VPS16: variants seen among roughly 807,000 people sequenced by gnomAD.
VPS16 encodes VPS16 core subunit of CORVET and HOPS complexes.
In VPS16, 82 loss-of-function variants were observed where a neutral mutation model predicts 116.0. The ratio of observed to expected loss-of-function variants is 0.71; its 90% CI spans 0.59 to 0.85. The LOEUF (loss-of-function observed/expected upper bound fraction) is 0.85, where lower values mean the gene tolerates loss of function less well. Among genes scored for constraint, VPS16 ranks in the 40% least tolerant of loss-of-function variants. The pLI is 0.00. For missense variants in VPS16, 928 were observed against 1,090.6 expected (o/e 0.85, Z 2.10); for synonymous variants, 406 against 420.7 (o/e 0.96, Z 0.43).
chr20:2,843,566 G>A (rs566139637), intron 1 of VPS16, among the ~76,000 whole-genome samples: 1 of 152,172 alleles, frequency 6.6e-6, no homozygotes, highest in Non-Finnish European at 1.5e-5. Flanking sequence ...GCTGACCAAG[G>A]TAGCCATGTC....
At position 2,864,016 on chromosome 20, in the gene VPS16, C is replaced by T; in HGVS notation, c.1544C>T (p.Pro515Leu). ...RAINQKLGDT[P>L]GVSYSDIAAR... Reference sequence around the variant, plus strand: ...ATTAACCAGAAGCTGGGGGACACGCCTGGTGTCTCTTACTCCGACATTGCT... The same window carrying T: ...ATTAACCAGAAGCTGGGGGACACGCTTGGTGTCTCTTACTCCGACATTGCT... The change falls in exon 16 of 24, where the codon CCT becomes CTT. Residue 515 changes from proline (P) to leucine (L), a missense_variant. Pro to Leu is a moderately conservative substitution (Grantham distance 98). Transcript: ENST00000380445. The surrounding 1 kb of genome is among the most constrained non-coding windows in gnomAD (Gnocchi z 5.2). The T allele has an allele frequency of 6.2e-7, 1 of 1,614,118 alleles. No homozygotes were observed.
At position 2,864,734 on chromosome 20, in the gene VPS16, C is replaced by A; in HGVS notation, c.1926+80C>A. ...GGTCCGGTTCCTTCAGGAATCTAGGCCTTCGTGTTGGGTGCACACTCCATC... is the reference window on the plus strand; with the variant it reads ...GGTCCGGTTCCTTCAGGAATCTAGGACTTCGTGTTGGGTGCACACTCCATC... On this transcript the variant is annotated intron_variant, in intron 19 of 23. Transcript: ENST00000380445. The surrounding 1 kb of genome is among the most constrained non-coding windows in gnomAD (Gnocchi z 5.2). The A allele has an allele frequency of 2.7e-6, 4 of 1,459,508 alleles. No individual in the cohort carries two copies. Among genetic ancestry groups the A allele is most frequent in the Non-Finnish European group, 2.9e-6 (3 of 1,052,330 alleles). 90.4% of individuals were successfully genotyped at this position (1,459,508 alleles called of 1,614,324 possible).
At chr20:2,842,690 ATC>A (rs1395342551) in intron 1 of VPS16, among the ~76,000 whole-genome samples, 1 of 139,924 alleles carries the variant, frequency 7.1e-6, no homozygotes, top group East Asian at 2.1e-4. Flanking sequence ...ATATAGATAC[ATC>A]TAGATGTATC....
Position 2,859,716 on chromosome 20 carries a change from C to T in VPS16, c.54-3C>T, listed in dbSNP as rs370349904. ...TAATTTCTGCTCATCTCTGTGTGGG[C>T]AGGAAATATGAGCTGTACAGCATGG... is the stretch of plus-strand genomic sequence containing the variant. On this transcript the variant is annotated splice_region_variant and splice_polypyrimidine_tract_variant and intron_variant, in intron 1 of 23. Transcript: ENST00000380445. The T allele has an allele frequency of 6.2e-7, 1 of 1,613,492 alleles. No homozygotes were observed. Among genetic ancestry groups the T allele is most frequent in the Non-Finnish European group, 8.5e-7 (1 of 1,179,726 alleles).
chr20:2,854,874 G>A (rs146546760), intron 1 of VPS16, among the ~76,000 whole-genome samples: 1 of 151,120 alleles, frequency 6.6e-6, no homozygotes, highest in East Asian at 1.9e-4. Context: ...TGGATGTTGT[G>A]TTAGAAGGCA....
In VPS16 at chr20:2,863,962, A is replaced by G; in HGVS notation, c.1490A>G (p.Asp497Gly). 27 of 1,613,868 alleles carry G rather than the reference A, an allele frequency of 1.7e-5. No individual in the cohort carries two copies. The highest frequency in any genetic ancestry group is 2.3e-5 in the Non-Finnish European group (27 of 1,179,832). The change falls in exon 16 of 24, where the codon GAT (aspartate) becomes GGT (glycine). Residue 497 changes from aspartate to glycine, a missense_variant. Coordinates refer to ENST00000380445, the MANE Select transcript of VPS16 (RefSeq NM_022575.4). This position sits in a 1 kb window ranked among gnomAD's most constrained non-coding sequence, Gnocchi z 4.4. ...CATCCCTTGCAGGTGCAACAGAAGG[A>G]TGTCTCAGATGAGGATGTGGCTCGA... ...HWACYKVQQK[D>G]VSDEDVARAI... is the part of the protein sequence containing the mutation.
intron 1 of VPS16, among the ~76,000 whole-genome samples, chr20:2,845,007 G>GGTGTGTGT (rs375923174): frequency 0.01 from 1,448 of 144,070 alleles, 10 homozygotes; most frequent in East Asian, 0.03. Context: ...ATTTGCAAGG[G>GGTGTGTGT]GTGTGTGTGT....
chr20:2,852,737 C>A lies in VPS16; in HGVS notation c.54-6982C>A, dbSNP rs568095862. ...TACGTAACTTAAAAATACTTTATTG[C>A]TAAAATATGCTAGTGATTATCAGAG... On this transcript the variant is annotated intron_variant, in intron 1 of 23. Coordinates refer to ENST00000380445, the MANE Select transcript of VPS16 (RefSeq NM_022575.4). 7.2e-5 allele frequency among the ~76,000 whole-genome samples: 11 copies of A among 152,298 alleles called. No individual in the cohort carries two copies. The South Asian group carries it at 1.0e-3, about 14-fold the overall frequency.
chr20:2,857,374 A>G (rs2089182184), intron 1 of VPS16, among the ~76,000 whole-genome samples: 1 of 152,184 alleles, frequency 6.6e-6, no homozygotes. Flanking sequence ...TTTATAGATC[A>G]TTTTGGATAT....
intron 1 of VPS16, among the ~76,000 whole-genome samples, chr20:2,853,031 A>T (rs912610430): frequency 6.6e-6 from 1 of 152,190 alleles, no homozygotes; most frequent in African/African-American, 2.4e-5. Flanking sequence ...TTAACTAAGT[A>T]TATGTAATAC....
chr20:2,864,934 G>A lies in VPS16; in HGVS notation c.1927-44G>A. ...TGTAGCCTGGGTGAGGAGGGCGAGG[G>A]TCCTGCATGCTGTGAGTTCAGGCCT... On this transcript the variant is annotated intron_variant, in intron 19 of 23. Transcript: ENST00000380445. The surrounding 1 kb of genome is among the most constrained non-coding windows in gnomAD (Gnocchi z 5.2). 6.2e-7 allele frequency: 1 copy of A among 1,612,256 alleles called. No individual in the cohort carries two copies. Among genetic ancestry groups the A allele is most frequent in the Non-Finnish European group, 8.5e-7 (1 of 1,178,672 alleles).
chr20:2,861,955 A>T (rs1240490757), intron 10 of VPS16, 56 bp downstream of exon 10: 3 of 1,605,734 alleles, frequency 1.9e-6, no homozygotes, highest in Non-Finnish European at 2.6e-6. Flanking sequence ...TCGGCACCCC[A>T]GCTGCCCTGG....
chr20:2,857,471 G>A (rs762237880), intron 1 of VPS16, among the ~76,000 whole-genome samples: 11 of 150,700 alleles, frequency 7.3e-5, no homozygotes, highest in African/African-American at 1.5e-4. Flanking sequence ...CAGTTTTATC[G>A]CCATAATTAT....
chr20:2,841,739 C>G (rs1331522656), intron 1 of VPS16, among the ~76,000 whole-genome samples: 1 of 151,366 alleles, frequency 6.6e-6, no homozygotes, highest in South Asian at 2.1e-4. Flanking sequence ...TTCTGCTAAA[C>G]CAGGCTCCTT....
At chr20:2,854,264 C>CACACACACACACACACAA (rs1359113049) in intron 1 of VPS16, among the ~76,000 whole-genome samples, 48 of 150,132 alleles carry the variant, frequency 3.2e-4, no homozygotes, top group African/African-American at 1.1e-3. Flanking sequence ...CACACACACA[C>CACACACACACACACACAA]AAATTTTTTA....
At chr20:2,849,615 T>G (rs960867439) in intron 1 of VPS16, among the ~76,000 whole-genome samples, 645 of 151,136 alleles carry the variant, frequency 4.3e-3, no homozygotes, top group African/African-American at 8.5e-3. Context: ...AGATTTTTTT[T>G]GGGGGGGGTG....
At chr20:2,842,693 TA>T (rs2088998648) in intron 1 of VPS16, among the ~76,000 whole-genome samples, 1 of 138,144 alleles carries the variant, frequency 7.2e-6, no homozygotes, top group Non-Finnish European at 1.5e-5. Flanking sequence ...TAGATACATC[TA>T]GATGTATCTA....
At chr20:2,854,844 T>G (rs2089156733) in intron 1 of VPS16, among the ~76,000 whole-genome samples, 5 of 151,864 alleles carry the variant, frequency 3.3e-5, no homozygotes, top group African/African-American at 1.2e-4. Flanking sequence ...CACTCTTTCC[T>G]TGATCCATGA....
intron 1 of VPS16, among the ~76,000 whole-genome samples, chr20:2,851,797 G>A (rs1002439881): frequency 2.9e-4 from 44 of 151,984 alleles, no homozygotes; most frequent in African/African-American, 1.0e-3. Context: ...GTGAAACCCC[G>A]TCTCTACTAA....
Sources: allele counts gnomAD v4.1 joint callset (sites outside exome capture counted in the v4.1 genomes callset), GRCh38; gene constraint gnomAD v4.1.1; non-coding constraint Gnocchi (gnomAD v3.1); transcripts MANE v1.5; gene names NCBI Gene and HGNC (gene_info 2026-07-23, HGNC 2026-07-21).